Variants in KDM5A observed in about 807,000 individuals in gnomAD.
The protein encoded by KDM5A is lysine demethylase 5A, also known as lysine-specific demethylase 5A.
Under a neutral mutation model 193.5 loss-of-function variants are expected in KDM5A, and 42 were observed. The observed-to-expected ratio is 0.22, with a 90% confidence interval of 0.17 to 0.28. The LOEUF (loss-of-function observed/expected upper bound fraction) is 0.28. Among genes scored for constraint, KDM5A ranks in the 10% least tolerant of loss-of-function variants. The pLI, the probability that KDM5A is intolerant of heterozygous loss-of-function variation, is 1.00. For synonymous variants in KDM5A, 796 were observed against 718.1 expected (o/e 1.11, Z -1.73); for missense variants, 1,692 against 2,055.1 (o/e 0.82, Z 3.42).
chr12:367,870 A>C (rs574108496), intron 3 of KDM5A, among the ~76,000 whole-genome samples: 1 of 152,118 alleles, frequency 6.6e-6, no homozygotes, highest in African/African-American at 2.4e-5. Flanking sequence ...CTGTCTCAAA[A>C]AAAAAAAAAA....
intron 1 of KDM5A, among the ~76,000 whole-genome samples, chr12:387,827 C>T (rs1944662788): frequency 6.6e-6 from 1 of 152,132 alleles, no homozygotes; most frequent in Admixed American, 6.5e-5. Context: ...GTTTTTAATA[C>T]GCTGCGGTGC....
chr12:322,293 A>G, intron 17 of KDM5A, 124 bp downstream of exon 17: 1 of 798,226 alleles, frequency 1.3e-6, no homozygotes, highest in Non-Finnish European at 2.1e-6. Context: ...ATTACTGGGG[A>G]AGCAAGAGAC....
At chr12:316,514 A>G (rs1488793315) in intron 19 of KDM5A, among the ~76,000 whole-genome samples, 1 of 152,264 alleles carries the variant, frequency 6.6e-6, no homozygotes, top group African/African-American at 2.4e-5. Flanking sequence ...CAGAGTCATC[A>G]GAACCTGGTG....
At chr12:309,996 G>C in intron 21 of KDM5A, 32 bp from the exon 22 acceptor site, 1 of 1,604,676 alleles carries the variant, frequency 6.2e-7, no homozygotes, top group Non-Finnish European at 8.5e-7. Context: ...TATAAACTCT[G>C]GTTTTGAAAA....
At chr12:375,272 T>C (rs1944488052) in intron 3 of KDM5A, among the ~76,000 whole-genome samples, 1 of 152,196 alleles carries the variant, frequency 6.6e-6, no homozygotes, top group Non-Finnish European at 1.5e-5. Context: ...GCTTTGTTTC[T>C]TTTTACTCTT....
intron 3 of KDM5A, among the ~76,000 whole-genome samples, chr12:380,567 A>T (rs569202028): frequency 8.7e-4 from 133 of 152,086 alleles, no homozygotes; most frequent in Non-Finnish European, 1.5e-3. Context: ...AAATATAAAA[A>T]TTAGCTGGGT....
chr12:355,082 G>GA (rs1944215172), intron 7 of KDM5A, 76 bp downstream of exon 7: 1 of 867,972 alleles, frequency 1.2e-6, no homozygotes, highest in Non-Finnish European at 2.0e-6. Context: ...CACATACCAT[G>GA]ATATATCAGG....
At chr12:295,882 C>T (rs1360509955) in intron 25 of KDM5A, 89 bp from the exon 26 acceptor site, 5 of 1,056,378 alleles carry the variant, frequency 4.7e-6, no homozygotes, top group African/African-American at 3.1e-5. Flanking sequence ...GACTAGCCCC[C>T]CATCCCCCAA....
intron 10 of KDM5A, among the ~76,000 whole-genome samples, chr12:341,463 C>T (rs1251525376): frequency 4.0e-5 from 6 of 150,784 alleles, no homozygotes; most frequent in African/African-American, 1.5e-4. Flanking sequence ...AACTTGTGGT[C>T]TACCATGACA....
chr12:356,883 A>G (rs1414236405), intron 5 of KDM5A, among the ~76,000 whole-genome samples: 2 of 152,242 alleles, frequency 1.3e-5, no homozygotes, highest in African/African-American at 4.8e-5. Context: ...CAGGACATGA[A>G]CTGTGACTGT....
rs1001822815 is a variant in KDM5A, at chr12:375,607, G to A, written c.366+8424C>T. Among the ~76,000 whole-genome samples, 7 of 152,214 alleles carry A rather than the reference G, an allele frequency of 4.6e-5. No homozygotes were observed. In the South Asian group the frequency reaches 8.3e-4, roughly 18 times the overall value. On this transcript the variant is annotated intron_variant, in intron 3 of 27. Transcript: ENST00000399788. ...GTCATTCTCTGTCCAGCTTTGTTCCGTTGCTGGCGAGAAGCTGTGTTCCTT... is the reference window on the plus strand; with the variant it reads ...GTCATTCTCTGTCCAGCTTTGTTCCATTGCTGGCGAGAAGCTGTGTTCCTT...
chr12:323,063 CA>C lies in KDM5A; in HGVS notation c.2275+18del. 1 of 1,613,208 alleles carries C rather than the reference CA, an allele frequency of 6.2e-7. No homozygotes were observed. The highest frequency in any genetic ancestry group is 8.5e-7 in the Non-Finnish European group (1 of 1,179,618). On this transcript the variant is annotated intron_variant, in intron 16 of 27. Coordinates refer to ENST00000399788, the MANE Select transcript of KDM5A (RefSeq NM_001042603.3). The stretch of plus-strand genomic sequence containing the variant: ...TGACAATCAATTCAGTATATGCATA[CA>C]AAAGAAGGAAATTTAACCTTTTTTG...
rs1944201651 is a variant in KDM5A at position 354,249 on chromosome 12, A to G, written c.871-15T>C. 8 of 1,561,864 alleles carry G rather than the reference A, an allele frequency of 5.1e-6. No individual in the cohort carries two copies. Among genetic ancestry groups the G allele is most frequent in the Non-Finnish European group, 5.3e-6 (6 of 1,137,528 alleles). On this transcript the variant is annotated splice_polypyrimidine_tract_variant and intron_variant, in intron 7 of 27. Transcript: ENST00000399788. ...TAGAGATCAACCTGTTAAAAAAAAA[A>G]TAAATGAAAGTCTATTTTCTATAAT...
At chr12:343,462 G>A (rs1944032598) in intron 10 of KDM5A, among the ~76,000 whole-genome samples, 1 of 152,188 alleles carries the variant, frequency 6.6e-6, no homozygotes, top group Admixed American at 6.5e-5. Flanking sequence ...TCCTCGAGTA[G>A]GTCCCTGACC....
At chr12:321,136 A>C in intron 17 of KDM5A, 27 bp from the exon 18 acceptor site, 1 of 1,519,994 alleles carries the variant, frequency 6.6e-7, no homozygotes, top group Non-Finnish European at 9.1e-7. Context: ...TTGAGATATA[A>C]GTAAGAAAAA....
At position 383,219 on chromosome 12, in the gene KDM5A, CTT is replaced by C. The variant is rs35783919; in HGVS notation, c.366+810_366+811del. On this transcript the variant is annotated intron_variant, in intron 3 of 27. Coordinates refer to ENST00000399788, the MANE Select transcript of KDM5A (RefSeq NM_001042603.3). ...GTTTCTTTAATATGCCAAATTTTCT[CTT>C]TTTTTTTTTTGAGACAGGGTCTAAC... Among the ~76,000 whole-genome samples, 333 of 147,734 alleles carry C rather than the reference CTT, an allele frequency of 2.3e-3. 1 individual carries two copies. Among genetic ancestry groups the C allele is most frequent in the Non-Finnish European group, 2.9e-3 (194 of 66,740 alleles).
intron 20 of KDM5A, 34 bp downstream of exon 20, chr12:313,022 C>A (rs778975277): frequency 1.2e-6 from 2 of 1,607,558 alleles, no homozygotes; most frequent in South Asian, 2.2e-5. Flanking sequence ...ACAGGCATTA[C>A]CTGATAGGTG....
intron 19 of KDM5A, among the ~76,000 whole-genome samples, chr12:315,993 CTG>C (rs1943647024): frequency 6.6e-6 from 1 of 152,234 alleles, no homozygotes; most frequent in Non-Finnish European, 1.5e-5. Context: ...TCCAGAGAGA[CTG>C]TACAGAGTGA....
At chr12:296,156 T>C (rs1382907012) in intron 25 of KDM5A, among the ~76,000 whole-genome samples, 1 of 151,790 alleles carries the variant, frequency 6.6e-6, no homozygotes, top group Non-Finnish European at 1.5e-5. Flanking sequence ...CCATCTCTAC[T>C]AAAAATACAA....
Sources: allele counts gnomAD v4.1 joint callset (sites outside exome capture counted in the v4.1 genomes callset), GRCh38; gene constraint gnomAD v4.1.1; transcripts MANE v1.5; gene names NCBI Gene and HGNC (gene_info 2026-07-23, HGNC 2026-07-21).